Variants in MYO1F observed in about 807,000 individuals in gnomAD.
The protein encoded by MYO1F is myosin IF, also known as unconventional myosin-If.
A neutral mutation model predicts 146.6 loss-of-function variants in MYO1F; 60 were observed. The observed-to-expected ratio is 0.41, with a 90% confidence interval of 0.33 to 0.51. MYO1F has a LOEUF of 0.51. MYO1F is among the 20% of genes least tolerant of loss of function. The pLI is 0.25. For synonymous variants in MYO1F, 602 were observed against 602.1 expected (o/e 1.00, Z 0.00); for missense variants, 1,274 against 1,534.3 (o/e 0.83, Z 2.83).
chr19:8,573,144 T>C (rs1416605814), intron 1 of MYO1F, among the ~76,000 whole-genome samples: 2 of 151,726 alleles, frequency 1.3e-5, no homozygotes, highest in Non-Finnish European at 2.9e-5. Flanking sequence ...CCATCTCTAC[T>C]AAAAAAATAG....
chr19:8,560,472 C>T (rs868199608), intron 1 of MYO1F, among the ~76,000 whole-genome samples: 16 of 144,668 alleles, frequency 1.1e-4, no homozygotes, highest in African/African-American at 2.8e-4. Context: ...GCAAACATAG[C>T]GAGACTTGGT....
rs768131371 is a variant in MYO1F at position 8,525,504 on chromosome 19, G to C, written c.2829C>G (p.Thr943=). The C allele has an allele frequency of 2.4e-5, 39 of 1,613,536 alleles. No homozygotes were observed. The highest frequency in any genetic ancestry group is 3.2e-5 in the Non-Finnish European group (38 of 1,179,974). ...GKPRRSSQAP[T]RAAPAPPRGM... The stretch of plus-strand genomic sequence containing the variant: ...CTCTGGGGGGCGCAGGGGCCGCCCG[G>C]GTAGGGGCTTGGGACGACCTCCGAG... The change falls in exon 25 of 28, where the codon ACC becomes ACG. Residue 943 remains threonine, a synonymous_variant. Transcript: ENST00000644032.
At position 8,543,723 on chromosome 19, in the gene MYO1F, GTGC is replaced by G. The variant is rs1257488105; in HGVS notation, c.1524+571_1524+573del. 5.9e-3 allele frequency among the ~76,000 whole-genome samples: 71 copies of G among 12,088 alleles called. 1 individual carries two copies. Among genetic ancestry groups the G allele is most frequent in the African/African-American group, 0.022 (53 of 2,360 alleles). 7.9% of individuals were successfully genotyped at this position (12,088 alleles called of 152,430 possible). On this transcript the variant is annotated intron_variant, in intron 14 of 27. Transcript: ENST00000644032. ...GGTGGTGGTGCTGGTGGTGGTGGTG[GTGC>G]TGGTGGTGCTGGTGGTGCTGGTGGT...
In MYO1F at chr19:8,527,474, G is replaced by A. The variant is rs201198914; in HGVS notation, c.2338C>T (p.Arg780Trp). 32 of 1,613,754 alleles carry A rather than the reference G, an allele frequency of 2.0e-5. No homozygotes were observed. Among genetic ancestry groups the A allele is most frequent in the African/African-American group, 2.7e-5 (2 of 74,912 alleles). ...KYDRRFKPIKRDLILTPKCVY... is the reference protein window; with the variant it reads ...KYDRRFKPIKWDLILTPKCVY... ...CACTTGGGCGTCAGGATCAAGTCCCGCTTGATGGGCTGTGGGGATGCAGGA... is the reference window on the plus strand; with the variant it reads ...CACTTGGGCGTCAGGATCAAGTCCCACTTGATGGGCTGTGGGGATGCAGGA... The change falls in exon 22 of 28, where the codon CGG becomes TGG. Residue 780 changes from arginine (R) to tryptophan (W), a missense_variant. By Grantham distance (101) the Arg-to-Trp change is moderately radical. Coordinates refer to ENST00000644032, the MANE Select transcript of MYO1F (RefSeq NM_012335.4).
At position 8,555,724 on chromosome 19, in the gene MYO1F, G is replaced by A. The variant is rs2145929452; in HGVS notation, c.76C>T (p.Pro26Ser). 1 of 1,614,142 alleles carries A rather than the reference G, an allele frequency of 6.2e-7. No homozygotes were observed. The highest frequency in any genetic ancestry group is 8.5e-7 in the Non-Finnish European group (1 of 1,180,032). ...GCAATGGCGTCTTCGGTGATCTGGG[G>A]AAGAAGCACCATGTCATCCACGCCG... ...QSGVDDMVLLPQITEDAIAAN... is the reference protein window; with the variant it reads ...QSGVDDMVLLSQITEDAIAAN... Residue 26 changes from proline to serine, a missense_variant, in exon 2 of 28, where the codon CCC (proline) becomes TCC (serine). Pro to Ser is a moderately conservative substitution (Grantham distance 74). Transcript: ENST00000644032.
chr19:8,532,743 C>T (rs539480403), intron 19 of MYO1F, among the ~76,000 whole-genome samples: 1 of 151,974 alleles, frequency 6.6e-6, no homozygotes, highest in Admixed American at 6.6e-5. Flanking sequence ...CAAAAATTAG[C>T]TGAGGGTGAT....
intron 24 of MYO1F, among the ~76,000 whole-genome samples, chr19:8,526,142 G>A (rs1972256693): frequency 6.6e-6 from 1 of 152,106 alleles, no homozygotes; most frequent in African/African-American, 2.4e-5. Context: ...GCCTGGCCAA[G>A]ATGGTGAAAC....
intron 19 of MYO1F, among the ~76,000 whole-genome samples, chr19:8,532,251 C>A (rs55872879): frequency 6.6e-6 from 1 of 151,976 alleles, no homozygotes; most frequent in East Asian, 1.9e-4. Flanking sequence ...CACAGCCATC[C>A]GTAGCAGGCC....
At chr19:8,548,849 A>T (rs1973485555) in intron 10 of MYO1F, among the ~76,000 whole-genome samples, 1 of 151,248 alleles carries the variant, frequency 6.6e-6, no homozygotes, top group Admixed American at 6.6e-5. Context: ...CGGCCTCCCA[A>T]AGTGCCGGGA....
intron 15 of MYO1F, chr19:8,540,535 C>T (rs543527162): frequency 2.6e-5 from 4 of 151,912 alleles, no homozygotes; most frequent in East Asian, 1.9e-4. Flanking sequence ...CATGGTGAAA[C>T]CCTGTCTCTA....
In MYO1F at chr19:8,537,143, T is replaced by G. The variant is rs74619257; in HGVS notation, c.1693-88A>C. On this transcript the variant is annotated intron_variant, in intron 16 of 27. Transcript: ENST00000644032. ...TTTTCCACCCTGGATACAGTCCCAA[T>G]AGACAGAGACTGGGGGTGGGTGAGG... 16,748 of 867,800 alleles carry G rather than the reference T, an allele frequency of 0.019. 650 individuals carry two copies. Among genetic ancestry groups the G allele is most frequent in the African/African-American group, 0.14 (8,155 of 59,346 alleles). The allele number at this position is 867,800 out of a possible 1,614,324, so 53.8% of individuals were successfully genotyped here.
At position 8,545,779 on chromosome 19, in the gene MYO1F, T is replaced by C. The variant is rs755210073; in HGVS notation, c.1270-43A>G. On this transcript the variant is annotated intron_variant, in intron 12 of 27. Transcript: ENST00000644032. The stretch of plus-strand genomic sequence containing the variant: ...GTGGATGTGGGGGCCAGTGAAAAAG[T>C]TGTGGCCACCCTTCCCCCCATGTCC... The C allele has an allele frequency of 9.7e-6, 14 of 1,437,840 alleles. 1 individual carries two copies. The South Asian group carries it at 1.1e-4, about 12-fold the overall frequency. 89.1% of individuals were successfully genotyped at this position (1,437,840 alleles called of 1,614,324 possible).
chr19:8,537,060 G>C lies in MYO1F; in HGVS notation c.1693-5C>G. The C allele has an allele frequency of 6.2e-7, 1 of 1,607,008 alleles. No individual in the cohort carries two copies. Among genetic ancestry groups the C allele is most frequent in the Middle Eastern group, 1.7e-4 (1 of 6,044 alleles). ...CACCAGGTCGTTGGCTTGTTTCTGA[G>C]GCAGAAGTGAAGACGGGTGGGTGGG... On this transcript the variant is annotated splice_polypyrimidine_tract_variant and splice_region_variant and intron_variant, in intron 16 of 27. Coordinates refer to ENST00000644032, the MANE Select transcript of MYO1F (RefSeq NM_012335.4).
At chr19:8,556,331 C>CT (rs995749744) in intron 1 of MYO1F, among the ~76,000 whole-genome samples, 49 of 143,038 alleles carry the variant, frequency 3.4e-4, no homozygotes, top group African/African-American at 7.4e-4. Context: ...CACCCGGCCT[C>CT]TTTTTTTTTT....
In MYO1F at chr19:8,526,541, GA is replaced by G; in HGVS notation, c.2681del (p.Phe894SerfsTer167). The G allele has an allele frequency of 6.3e-7, 1 of 1,594,554 alleles. No individual in the cohort carries two copies. Among genetic ancestry groups the G allele is most frequent in the South Asian group, 1.1e-5 (1 of 87,224 alleles). ...WGGGGTRSVTFSRGFGDLAVL... is the reference protein window; with the variant it reads ...WGGGGTRSVTXSRGFGDLAVL... ...CTGCCAAGTCGCCGAAGCCGCGGGA[GA>G]AGGTGACGCTGCGGGTGCCGCCACC... On this transcript the variant is annotated frameshift_variant, in exon 24 of 28. Transcript: ENST00000644032. LOFTEE classifies it high-confidence loss of function.
At chr19:8,531,511 G>A (rs931548864) in intron 19 of MYO1F, among the ~76,000 whole-genome samples, 2 of 149,644 alleles carry the variant, frequency 1.3e-5, no homozygotes, top group African/African-American at 5.0e-5. Flanking sequence ...ACCATGCCCA[G>A]CTAATTTTGT....
chr19:8,561,605 TTTTC>T (rs763342733), intron 1 of MYO1F, among the ~76,000 whole-genome samples: 20 of 147,638 alleles, frequency 1.4e-4, no homozygotes, highest in Non-Finnish European at 2.1e-4. Context: ...CTCTTCTCTT[TTTTC>T]TTTCTCTCTT....
At chr19:8,552,506 A>C (rs867879566) in intron 6 of MYO1F, among the ~76,000 whole-genome samples, 1 of 152,026 alleles carries the variant, frequency 6.6e-6, no homozygotes, top group Admixed American at 6.6e-5. Flanking sequence ...ACCTCAAGTG[A>C]TCCGCCTGTC....
chr19:8,555,052 G>A (rs527608331), intron 2 of MYO1F, among the ~76,000 whole-genome samples: 99 of 152,158 alleles, frequency 6.5e-4, no homozygotes, highest in Admixed American at 2.0e-3. Flanking sequence ...GGGCATGGTG[G>A]TGCATGCCTG....
Sources: gnomAD v4.1 joint callset for allele counts (sites outside exome capture counted in the v4.1 genomes callset) on GRCh38, gnomAD v4.1.1 for gene constraint, MANE v1.5 for transcripts, NCBI Gene and HGNC (gene_info 2026-07-23, HGNC 2026-07-21) for gene names.